ATP6V1B2: variants seen among roughly 807,000 people sequenced by gnomAD.
The protein encoded by ATP6V1B2 is ATPase H+ transporting V1 subunit B2, also known as V-type proton ATPase subunit B, brain isoform.
Under a neutral mutation model 66.7 loss-of-function variants are expected in ATP6V1B2, and 23 were observed. The ratio of observed to expected loss-of-function variants is 0.34; its 90% CI spans 0.25 to 0.49. ATP6V1B2 has a LOEUF of 0.49. ATP6V1B2 is among the 20% of genes least tolerant of loss of function. The pLI, the probability that ATP6V1B2 is intolerant of heterozygous loss-of-function variation, is 0.99. For missense variants in ATP6V1B2, 478 were observed against 650.8 expected (o/e 0.73, Z 2.89); for synonymous variants, 278 against 236.7 (o/e 1.17, Z -1.60).
At chr8:20,211,078 C>T (rs938339632) in intron 5 of ATP6V1B2, 99 bp from the exon 6 acceptor site, 1 of 1,466,492 alleles carries the variant, frequency 6.8e-7, no homozygotes, top group Non-Finnish European at 9.2e-7. Context: ...TTCTGGTCTT[C>T]TGGTGCTTTT....
At position 20,218,289 on chromosome 8, in the gene ATP6V1B2, T is replaced by G; in HGVS notation, c.1396+7T>G. 6.2e-7 allele frequency: 1 copy of G among 1,611,384 alleles called. No homozygotes were observed. Among genetic ancestry groups the G allele is most frequent in the Non-Finnish European group, 8.5e-7 (1 of 1,178,750 alleles). ...AGGAACTTCATTGCTCAGGGTAAGA[T>G]GACTGTTGGCTTACAAACATAAAAA... On this transcript the variant is annotated splice_region_variant and intron_variant, in intron 13 of 13. Transcript: ENST00000276390.
intron 1 of ATP6V1B2, among the ~76,000 whole-genome samples, chr8:20,201,165 A>C (rs2072682307): frequency 6.6e-6 from 1 of 152,254 alleles, no homozygotes; most frequent in Non-Finnish European, 1.5e-5. Flanking sequence ...ATATGTTAAG[A>C]AGGTAATATA....
At position 20,209,430 on chromosome 8, in the gene ATP6V1B2, T is replaced by C. The variant is rs2072771453; in HGVS notation, c.193-3T>C. The C allele has an allele frequency of 1.2e-6, 2 of 1,613,656 alleles. No homozygotes were observed. Among genetic ancestry groups the C allele is most frequent in the East Asian group, 4.5e-5 (2 of 44,852 alleles). On this transcript the variant is annotated splice_polypyrimidine_tract_variant and splice_region_variant and intron_variant, in intron 2 of 13. Coordinates refer to ENST00000276390, the MANE Select transcript of ATP6V1B2 (RefSeq NM_001693.4). ...TATTGATCCTTTATTTTTTTCTCTT[T>C]AGTTTCCCAGGTATGCTGAAATTGT...
rs765819112 is a variant in ATP6V1B2 at position 20,209,458 on chromosome 8, A to G, written c.218A>G (p.His73Arg). The G allele has an allele frequency of 6.2e-7, 1 of 1,613,928 alleles. No homozygotes were observed. The highest frequency in any genetic ancestry group is 1.1e-5 in the South Asian group (1 of 91,084). ...TTTCCCAGGTATGCTGAAATTGTCCATTTGACCTTACCGGATGGCACAAAG... is the reference window on the plus strand; with the variant it reads ...TTTCCCAGGTATGCTGAAATTGTCCGTTTGACCTTACCGGATGGCACAAAG... Reference protein sequence around the residue: ...VKFPRYAEIVHLTLPDGTKRS... With the variant: ...VKFPRYAEIVRLTLPDGTKRS... Residue 73 changes from histidine to arginine, a missense_variant, in exon 3 of 14, where the codon CAT (histidine) becomes CGT (arginine). Physicochemically the swap from His to Arg is conservative, Grantham distance 29. Transcript: ENST00000276390.
chr8:20,213,526 C>T (rs971400498), intron 9 of ATP6V1B2: 2 of 153,172 alleles, frequency 1.3e-5, no homozygotes, highest in Non-Finnish European at 2.9e-5. Context: ...GGCACACACA[C>T]TTGTAATCCT....
At chr8:20,213,167 A>G in intron 9 of ATP6V1B2, 1 of 399,550 alleles carries the variant, frequency 2.5e-6, no homozygotes, top group East Asian at 6.2e-5. Flanking sequence ...AAAAGGGAGT[A>G]AATAATTCAA....
chr8:20,214,600 A>G, intron 9 of ATP6V1B2: 1 of 400,822 alleles, frequency 2.5e-6, no homozygotes, highest in Non-Finnish European at 4.2e-6. Context: ...ATACGATTTT[A>G]GCAAAAACCT....
intron 13 of ATP6V1B2, among the ~76,000 whole-genome samples, chr8:20,218,953 T>C (rs1168918503): frequency 6.6e-6 from 1 of 152,126 alleles, no homozygotes; most frequent in East Asian, 1.9e-4. Context: ...TCTGCTATAA[T>C]CATTGTCCCA....
rs78863594 is a variant in ATP6V1B2, at chr8:20,210,943, T to G, written c.464-234T>G. Among the ~76,000 whole-genome samples the G allele has an allele frequency of 1.7e-3, 260 of 152,290 alleles. 7 individuals are homozygous for G. In the East Asian group the frequency reaches 0.039, roughly 23 times the overall value. ...TATTTGCTATATCTTTATTTTACTT[T>G]AGGAACTTGAATTCTATTACCCTAT... On this transcript the variant is annotated intron_variant, in intron 5 of 13. Transcript: ENST00000276390.
In ATP6V1B2 at chr8:20,219,844, G is replaced by A. The variant is rs547301957; in HGVS notation, c.1397-419G>A. Among the ~76,000 whole-genome samples the A allele has an allele frequency of 2.0e-5, 3 of 152,256 alleles. No individual in the cohort carries two copies. The South Asian group carries it at 6.2e-4, about 32-fold the overall frequency. ...GTTGCATGTATTCAGGTGCTTGACT[G>A]GCATTTATGTCCTTCTGAGCATCTG... On this transcript the variant is annotated intron_variant, in intron 13 of 13. Coordinates refer to ENST00000276390, the MANE Select transcript of ATP6V1B2 (RefSeq NM_001693.4).
intron 1 of ATP6V1B2, chr8:20,203,968 T>G (rs1263214332): frequency 2.0e-5 from 9 of 455,802 alleles, no homozygotes; most frequent in Non-Finnish European, 3.1e-5. Flanking sequence ...GGCTATACAA[T>G]TTCTCCAATT....
chr8:20,215,134 T>C (rs2072840396), intron 10 of ATP6V1B2, 166 bp downstream of exon 10: 1 of 811,720 alleles, frequency 1.2e-6, no homozygotes, highest in Admixed American at 3.6e-5. Flanking sequence ...CCACAGTTAT[T>C]ATCCTATTGT....
At chr8:20,207,430 A>G (rs1317943420) in intron 2 of ATP6V1B2, among the ~76,000 whole-genome samples, 7 of 152,202 alleles carry the variant, frequency 4.6e-5, no homozygotes, top group Non-Finnish European at 7.3e-5. Context: ...TTAAAGATCT[A>G]AATATAGAAA....
At chr8:20,218,108 T>A in intron 12 of ATP6V1B2, 45 bp from the exon 13 acceptor site, 1 of 1,600,714 alleles carries the variant, frequency 6.2e-7, no homozygotes, top group Non-Finnish European at 8.5e-7. Flanking sequence ...TGACTGAACA[T>A]TTTGAGAGCT....
chr8:20,217,191 A>T lies in ATP6V1B2; in HGVS notation c.1162-29A>T, dbSNP rs1585254429. 3 of 1,541,996 alleles carry T rather than the reference A, an allele frequency of 1.9e-6. No individual in the cohort carries two copies. In the African/African-American group the frequency reaches 4.1e-5, roughly 21 times the overall value. On this transcript the variant is annotated intron_variant, in intron 11 of 13. Coordinates refer to ENST00000276390, the MANE Select transcript of ATP6V1B2 (RefSeq NM_001693.4). ...AAACTTGAGTTTTGTACTTAAATAT[A>T]GTATTTTTTCCCTCTCATTCTACCC...
intron 9 of ATP6V1B2, 184 bp downstream of exon 9, chr8:20,213,089 G>C: frequency 1.4e-6 from 1 of 704,740 alleles, no homozygotes; most frequent in Non-Finnish European, 2.2e-6. Context: ...AGTGATTAGA[G>C]GTTAAGATTT....
chr8:20,204,354 T>C (rs961574010), intron 1 of ATP6V1B2, 130 bp from the exon 2 acceptor site: 6 of 724,776 alleles, frequency 8.3e-6, no homozygotes, highest in African/African-American at 3.6e-5. Context: ...TTGAAAAATT[T>C]TGTAGCTATT....
chr8:20,199,720 C>T (rs1276981855), intron 1 of ATP6V1B2, among the ~76,000 whole-genome samples: 2 of 150,160 alleles, frequency 1.3e-5, no homozygotes, highest in Non-Finnish European at 3.0e-5. Flanking sequence ...GAGCAATTCT[C>T]CTGCGTCAGC....
chr8:20,217,332 C>G lies in ATP6V1B2; in HGVS notation c.1266+8C>G. Reference sequence around the variant, plus strand: ...GATGTATCTAACCAGCTAGTATGTACATTCTTCTAAGAATGGTGTTTGAAA... The same window carrying G: ...GATGTATCTAACCAGCTAGTATGTAGATTCTTCTAAGAATGGTGTTTGAAA... On this transcript the variant is annotated splice_region_variant and intron_variant, in intron 12 of 13. Coordinates refer to ENST00000276390, the MANE Select transcript of ATP6V1B2 (RefSeq NM_001693.4). 1 of 1,594,068 alleles carries G rather than the reference C, an allele frequency of 6.3e-7. No homozygotes were observed. The highest frequency in any genetic ancestry group is 8.6e-7 in the Non-Finnish European group (1 of 1,161,960).
Sources: gnomAD v4.1 joint callset for allele counts (sites outside exome capture counted in the v4.1 genomes callset) on GRCh38, gnomAD v4.1.1 for gene constraint, MANE v1.5 for transcripts, NCBI Gene and HGNC (gene_info 2026-07-23, HGNC 2026-07-21) for gene names.